The following ABCA5 variants were observed in gnomAD, a reference collection of about 807,000 sequenced individuals.
The protein encoded by ABCA5 is cholesterol transporter ABCA5.
A neutral mutation model predicts 206.0 loss-of-function variants in ABCA5; 163 were observed. The observed-to-expected ratio is 0.79, with a 90% CI of 0.70 to 0.90. ABCA5 has a LOEUF of 0.90. Ranked by LOEUF, ABCA5 falls within the 40% of genes least tolerant of loss-of-function variation. ABCA5 has a pLI of 0.00. For missense variants in ABCA5, 1,859 were observed against 1,912.9 expected (o/e 0.97, Z 0.53); for synonymous variants, 609 against 613.8 (o/e 0.99, Z 0.11).
chr17:69,285,811 G>C, intron 17 of ABCA5, 87 bp downstream of exon 17: 2 of 1,367,930 alleles, frequency 1.5e-6, no homozygotes, highest in Non-Finnish European at 2.0e-6. Flanking sequence ...ATACTACATG[G>C]AGAAGGAAAC....
intron 24 of ABCA5, among the ~76,000 whole-genome samples, chr17:69,262,811 T>C (rs1404090836): frequency 6.6e-6 from 1 of 152,224 alleles, no homozygotes; most frequent in Non-Finnish European, 1.5e-5. Flanking sequence ...TCCAAACTGC[T>C]TTCCATGGCT....
chr17:69,294,489 T>A (rs1157789729), intron 11 of ABCA5, among the ~76,000 whole-genome samples, 166 bp downstream of exon 11: 2 of 152,058 alleles, frequency 1.3e-5, no homozygotes, highest in African/African-American at 4.8e-5. Context: ...GCCACTGCAC[T>A]ATAACCTGGG....
chr17:69,253,766 G>A (rs534944925), intron 33 of ABCA5, 28 bp downstream of exon 33: 9 of 1,592,870 alleles, frequency 5.7e-6, no homozygotes, highest in African/African-American at 2.7e-5. Flanking sequence ...TAAAAATACA[G>A]GCATTATTTG....
rs144553920 is a variant in ABCA5, at chr17:69,273,447, C to CTATT, written c.2764+508_2764+511dup. Among the ~76,000 whole-genome samples the CTATT allele has an allele frequency of 2.1e-3, 299 of 144,774 alleles. 1 individual carries two copies. Among genetic ancestry groups the CTATT allele is most frequent in the Middle Eastern group, 0.01 (3 of 288 alleles). 95.0% of individuals were successfully genotyped at this position (144,774 alleles called of 152,430 possible). On this transcript the variant is annotated intron_variant, in intron 20 of 38. Transcript: ENST00000392676. ...TTATACAAAGTATAAATTTTTTTAACTATTTATTTATTTATTTATTTATTT... is the reference window on the plus strand; with the variant it reads ...TTATACAAAGTATAAATTTTTTTAACTATTTATTTATTTATTTATTTATTTATTT...
intron 26 of ABCA5, among the ~76,000 whole-genome samples, chr17:69,260,641 T>C (rs933037426): frequency 6.6e-6 from 1 of 151,950 alleles, no homozygotes; most frequent in Non-Finnish European, 1.5e-5. Flanking sequence ...GCAGGGGTAG[T>C]AGGATTAGTA....
chr17:69,290,036 C>T lies in ABCA5; in HGVS notation c.1608G>A (p.Gly536=), dbSNP rs1431137606. The change falls in exon 13 of 39, where the codon GGG becomes GGA. Residue 536 remains glycine (G), a splice_region_variant and synonymous_variant. Coordinates refer to ENST00000392676, the MANE Select transcript of ABCA5 (RefSeq NM_172232.4). The part of the protein sequence containing the change: ...ILCGLCPPSD[G]FASIYGHRVS... ...CTCTGTGTCCATATATAGATGCAAA[C>T]CCTAAAAGCAAAATATATATTTAAA... 5 of 1,558,928 alleles carry T rather than the reference C, an allele frequency of 3.2e-6. No homozygotes were observed. The highest frequency in any genetic ancestry group is 4.3e-6 in the Non-Finnish European group (5 of 1,155,638).
chr17:69,251,955 T>A, intron 34 of ABCA5, 89 bp from the exon 35 acceptor site: 1 of 1,424,280 alleles, frequency 7.0e-7, no homozygotes, highest in Non-Finnish European at 9.6e-7. Context: ...GTTGGTTAAT[T>A]AAGTTAATTA....
At position 69,259,783 on chromosome 17, in the gene ABCA5, A is replaced by G. The variant is rs1238560701; in HGVS notation, c.3654T>C (p.Cys1218=). Residue 1218 remains cysteine, a synonymous_variant, in exon 28 of 39, where the codon TGT becomes TGC. Transcript: ENST00000392676. Reference sequence around the variant, plus strand: ...ATTGTAAGAGGAAAATCCACAGTACACACTGCAGGTAAGGCTAAAAGAAGA... The same window carrying G: ...ATTGTAAGAGGAAAATCCACAGTACGCACTGCAGGTAAGGCTAAAAGAAGA... ...SVAVISPYLQ[C]VLWIFLLQYY... is the part of the protein sequence containing the mutation. The G allele has an allele frequency of 2.5e-6, 4 of 1,602,598 alleles. No homozygotes were observed. The highest frequency in any genetic ancestry group is 8.5e-7 in the Non-Finnish European group (1 of 1,171,860).
rs547136283 is a variant in ABCA5, at chr17:69,277,804, T to C, written c.2431A>G (p.Met811Val). 1 of 1,578,450 alleles carries C rather than the reference T, an allele frequency of 6.3e-7. No individual in the cohort carries two copies. Among genetic ancestry groups the C allele is most frequent in the South Asian group, 1.2e-5 (1 of 83,822 alleles). ...VFTQQPLEEE[M>V]DSKSFDEMEQ... ...ATTTCATCAAAAGATTTTGAATCCA[T>C]TTCTTCCTCCAGTGGCTGCTGAGTA... Residue 811 changes from methionine (M) to valine (V), a missense_variant, in exon 19 of 39, where the codon ATG becomes GTG. By Grantham distance (21) the Met-to-Val change is conservative (BLOSUM62 1). Transcript: ENST00000392676.
In ABCA5 at chr17:69,245,487, T is replaced by C. The variant is rs1414484087; in HGVS notation, c.*2050A>G. The C allele has an allele frequency of 6.6e-6, 1 of 152,010 alleles. No homozygotes were observed. The highest frequency in any genetic ancestry group is 2.4e-5 in the African/African-American group (1 of 41,458). 9.4% of individuals were successfully genotyped at this position (152,010 alleles called of 1,614,324 possible). A position where few individuals can be genotyped will look rare whatever the true frequency, so the allele number is the denominator to read the frequency against. On this transcript the variant is annotated 3_prime_UTR_variant, in exon 39 of 39. Coordinates refer to ENST00000392676, the MANE Select transcript of ABCA5 (RefSeq NM_172232.4). Reference sequence around the variant, plus strand: ...AATATATTTCACTTTTTGCCTCCTTTGCTTTCCAGCTCACTTACCCTTGTT... The same window carrying C: ...AATATATTTCACTTTTTGCCTCCTTCGCTTTCCAGCTCACTTACCCTTGTT...
At chr17:69,307,390 T>C (rs1234962855) in intron 5 of ABCA5, among the ~76,000 whole-genome samples, 1 of 152,058 alleles carries the variant, frequency 6.6e-6, no homozygotes, top group African/African-American at 2.4e-5. Context: ...TTAAAGTCTA[T>C]ATATTTAGCA....
At chr17:69,304,941 T>C (rs1453997057) in intron 6 of ABCA5, 131 bp from the exon 7 acceptor site, 2 of 737,460 alleles carry the variant, frequency 2.7e-6, no homozygotes, top group Non-Finnish European at 2.0e-6. Context: ...TTTCTGTGTA[T>C]GCTTATGTAC....
At chr17:69,295,265 T>C (rs899668269) in intron 10 of ABCA5, among the ~76,000 whole-genome samples, 2 of 152,188 alleles carry the variant, frequency 1.3e-5, no homozygotes. Flanking sequence ...AATTCAACTT[T>C]TTCTTATAAT....
Position 69,255,558 on chromosome 17 carries a change from T to C in ABCA5, c.4053A>G (p.Glu1351=). 2 of 1,568,134 alleles carry C rather than the reference T, an allele frequency of 1.3e-6. No homozygotes were observed. Among genetic ancestry groups the C allele is most frequent in the Non-Finnish European group, 1.7e-6 (2 of 1,164,570 alleles). The change falls in exon 31 of 39, where the codon GAA becomes GAG. Residue 1351 remains glutamate (E), a synonymous_variant. Coordinates refer to ENST00000392676, the MANE Select transcript of ABCA5 (RefSeq NM_172232.4). ...TIINILVGDI[E]PTSGQVFLGD... ...TATATCATACCTGGCCTGAAGTTGGTTCAATATCACCAACCAGAATATTAA... is the reference window on the plus strand; with the variant it reads ...TATATCATACCTGGCCTGAAGTTGGCTCAATATCACCAACCAGAATATTAA...
intron 22 of ABCA5, chr17:69,268,940 A>G (rs1239971650): frequency 6.6e-6 from 1 of 152,236 alleles, no homozygotes; most frequent in African/African-American, 2.4e-5. Flanking sequence ...GTAATATGAC[A>G]GTGGAGGCTC....
intron 1 of ABCA5, chr17:69,318,988 C>G: frequency 2.0e-6 from 1 of 505,124 alleles, no homozygotes; most frequent in Non-Finnish European, 3.6e-6. Context: ...AGCAGAAAAA[C>G]CCATGTCTCC....
Position 69,303,845 on chromosome 17 carries a change from CATATATATATGT to C in ABCA5, c.930+812_930+823del, listed in dbSNP as rs1567778359. On this transcript the variant is annotated intron_variant, in intron 7 of 38. Coordinates refer to ENST00000392676, the MANE Select transcript of ABCA5 (RefSeq NM_172232.4). ...ATATATGTATATATATATATACATA[CATATATATATGT>C]ATATATATATATACATATATACATA... Among the ~76,000 whole-genome samples the C allele has an allele frequency of 3.5e-3, 22 of 6,208 alleles. 1 individual carries two copies. Among genetic ancestry groups the C allele is most frequent in the South Asian group, 0.019 (2 of 108 alleles). The allele number at this position is 6,208 out of a possible 152,430, so 4.1% of individuals were successfully genotyped here.
chr17:69,322,111 C>T (rs953637166), intron 1 of ABCA5, among the ~76,000 whole-genome samples: 34 of 152,056 alleles, frequency 2.2e-4, no homozygotes, highest in African/African-American at 8.2e-4. Flanking sequence ...GTGGTTCACG[C>T]CTGTAATCCC....
chr17:69,303,447 T>C (rs1474376762), intron 7 of ABCA5, among the ~76,000 whole-genome samples: 2 of 151,770 alleles, frequency 1.3e-5, no homozygotes, highest in African/African-American at 2.4e-5. Context: ...TACTGTATTT[T>C]TATCTGTATC....
Sources: gnomAD v4.1 joint callset for allele counts (sites outside exome capture counted in the v4.1 genomes callset) on GRCh38, gnomAD v4.1.1 for gene constraint, MANE v1.5 for transcripts, NCBI Gene and HGNC (gene_info 2026-07-23, HGNC 2026-07-21) for gene names.